The following GHR variants were observed in gnomAD, a reference collection of about 807,000 sequenced individuals.
GHR encodes the protein growth hormone receptor.
Under a neutral mutation model 67.1 loss-of-function variants are expected in GHR, and 35 were observed. The observed-to-expected ratio is 0.52, with a 90% CI of 0.40 to 0.69. The LOEUF (loss-of-function observed/expected upper bound fraction) is 0.69, where lower values mean the gene tolerates loss of function less well. Ranked by LOEUF, GHR falls within the 30% of genes least tolerant of loss-of-function variation. The pLI, the probability that GHR is intolerant of heterozygous loss-of-function variation, is 0.00. For synonymous variants in GHR, 272 were observed against 269.1 expected, an observed-to-expected ratio of 1.01 and a Z score of -0.10; for missense variants, 792 against 764.6, an observed-to-expected ratio of 1.04 and a Z score of -0.42.
intron 3 of GHR, among the ~76,000 whole-genome samples, chr5:42,673,724 G>A (rs1756431346): frequency 6.6e-6 from 1 of 152,124 alleles, no homozygotes; most frequent in Non-Finnish European, 1.5e-5. Flanking sequence ...TAAACATTGG[G>A]TAAACATGGA....
chr5:42,661,361 C>T (rs1215165023), intron 3 of GHR, among the ~76,000 whole-genome samples: 1 of 152,170 alleles, frequency 6.6e-6, no homozygotes, highest in African/African-American at 2.4e-5. Flanking sequence ...AGAGAAAGGT[C>T]GGGTTACCCA....
At chr5:42,602,892 T>C (rs1043982844) in intron 2 of GHR, among the ~76,000 whole-genome samples, 1 of 152,208 alleles carries the variant, frequency 6.6e-6, no homozygotes, top group Non-Finnish European at 1.5e-5. Context: ...TTTTAGTTTT[T>C]ATAGTAGAAT....
chr5:42,448,673 T>C (rs180763054), intron 1 of GHR, among the ~76,000 whole-genome samples: 6 of 151,792 alleles, frequency 4.0e-5, no homozygotes, highest in Admixed American at 3.9e-4. Flanking sequence ...TTTTGTTGCA[T>C]TTGCTTTGGG....
chr5:42,548,659 C>T lies in GHR; in HGVS notation c.-11-17205C>T, dbSNP rs557064784. The stretch of plus-strand genomic sequence containing the variant: ...GCTGTGGCCAGATGTTTTCCTTTCT[C>T]CTCCCACTTCGTTCTTCCCTCTTCT... On this transcript the variant is annotated intron_variant, in intron 1 of 9. Transcript: ENST00000230882. 4 of 183,170 alleles carry T rather than the reference C, an allele frequency of 2.2e-5. No homozygotes were observed. The South Asian group carries it at 5.5e-4, about 25-fold the overall frequency. 11.3% of individuals were successfully genotyped at this position (183,170 alleles called of 1,614,324 possible). A position where few individuals can be genotyped will look rare whatever the true frequency, so the allele number is the denominator to read the frequency against.
chr5:42,699,017 C>T (rs556967747), intron 5 of GHR, among the ~76,000 whole-genome samples: 1 of 152,252 alleles, frequency 6.6e-6, no homozygotes, highest in South Asian at 2.1e-4. Context: ...CTGAGGAAAA[C>T]AATGTTTCAA....
intron 1 of GHR, among the ~76,000 whole-genome samples, chr5:42,526,860 AC>A (rs759305644): frequency 6.6e-6 from 1 of 152,144 alleles, no homozygotes; most frequent in African/African-American, 2.4e-5. Flanking sequence ...TACAAAAGGA[AC>A]CCCATCGGGC....
At chr5:42,681,411 C>A (rs1019644016) in intron 3 of GHR, among the ~76,000 whole-genome samples, 16 of 152,164 alleles carry the variant, frequency 1.1e-4, no homozygotes, top group Non-Finnish European at 4.4e-5. Context: ...CAATGAGATA[C>A]CATTTCACAC....
intron 2 of GHR, among the ~76,000 whole-genome samples, chr5:42,625,259 T>C (rs1753642455): frequency 6.6e-6 from 1 of 152,172 alleles, no homozygotes; most frequent in African/African-American, 2.4e-5. Context: ...TCTTGTTTTA[T>C]ATCAGAAATA....
At position 42,430,382 on chromosome 5, in the gene GHR, A is replaced by G. The variant is rs114459926; in HGVS notation, c.-12+6427A>G. Among the ~76,000 whole-genome samples the G allele has an allele frequency of 2.9e-3, 440 of 152,226 alleles. 1 individual carries two copies. The highest frequency in any genetic ancestry group is 0.01 in the African/African-American group (425 of 41,526). ...CACACATACACACACACAAAAACATATATGTTGGATGATGAAGAGACAATG... is the reference window on the plus strand; with the variant it reads ...CACACATACACACACACAAAAACATGTATGTTGGATGATGAAGAGACAATG... On this transcript the variant is annotated intron_variant, in intron 1 of 9. Coordinates refer to ENST00000230882, the MANE Select transcript of GHR (RefSeq NM_000163.5).
chr5:42,450,330 T>C (rs1377707994), intron 1 of GHR, among the ~76,000 whole-genome samples: 2 of 152,202 alleles, frequency 1.3e-5, no homozygotes, highest in Non-Finnish European at 2.9e-5. Context: ...CCAGAGTTCC[T>C]GTTTCTTCCT....
At chr5:42,468,864 C>T in intron 1 of GHR, 1 of 889,586 alleles carries the variant, frequency 1.1e-6, no homozygotes. Context: ...ACTGCCCAGG[C>T]ATGATGGTTG....
intron 3 of GHR, among the ~76,000 whole-genome samples, chr5:42,674,343 G>GT (rs1374938496): frequency 9.9e-5 from 15 of 152,106 alleles, no homozygotes; most frequent in Non-Finnish European, 8.8e-5. Context: ...GTTTTAGATA[G>GT]TTTTTTTATT....
chr5:42,493,634 T>C (rs1314106671), intron 1 of GHR, among the ~76,000 whole-genome samples: 1 of 152,204 alleles, frequency 6.6e-6, no homozygotes, highest in Non-Finnish European at 1.5e-5. Context: ...AATTTTAGGA[T>C]CCTTTAATGC....
intron 1 of GHR, among the ~76,000 whole-genome samples, chr5:42,511,381 T>C (rs145765633): frequency 1.2e-3 from 177 of 152,362 alleles, no homozygotes; most frequent in African/African-American, 3.8e-3. Context: ...TACTCATGTA[T>C]TGGCTGAACC....
At chr5:42,543,465 C>T (rs1748604417) in intron 1 of GHR, among the ~76,000 whole-genome samples, 1 of 152,184 alleles carries the variant, frequency 6.6e-6, no homozygotes, top group African/African-American at 2.4e-5. Context: ...TGCTCACACA[C>T]ACATACACAG....
At chr5:42,548,464 T>C (rs1748842621) in intron 1 of GHR, 1 of 985,108 alleles carries the variant, frequency 1.0e-6, no homozygotes, top group East Asian at 1.1e-4. Flanking sequence ...AAGTTCTTGA[T>C]ATAAAGCCTG....
At chr5:42,556,846 C>T (rs1175068191) in intron 1 of GHR, among the ~76,000 whole-genome samples, 1 of 152,148 alleles carries the variant, frequency 6.6e-6, no homozygotes, top group Non-Finnish European at 1.5e-5. Context: ...AATAGAATAA[C>T]GGTGCATACC....
Position 42,504,496 on chromosome 5 carries a change from C to A in GHR, c.-11-61368C>A, listed in dbSNP as rs537365939. On this transcript the variant is annotated intron_variant, in intron 1 of 9. Coordinates refer to ENST00000230882, the MANE Select transcript of GHR (RefSeq NM_000163.5). ...GAAGTCTTGGCCAGGCACCGTGGCTCACGCCTGTAATCCCAGCACTTTGGG... is the reference window on the plus strand; with the variant it reads ...GAAGTCTTGGCCAGGCACCGTGGCTAACGCCTGTAATCCCAGCACTTTGGG... Among the ~76,000 whole-genome samples the A allele has an allele frequency of 8.5e-5, 13 of 152,288 alleles. No individual in the cohort carries two copies. The East Asian group carries it at 2.5e-3, about 29-fold the overall frequency.
intron 2 of GHR, among the ~76,000 whole-genome samples, chr5:42,602,487 T>C (rs918220116): frequency 2.0e-5 from 3 of 152,192 alleles, no homozygotes; most frequent in African/African-American, 4.8e-5. Flanking sequence ...ATCTTTTTTA[T>C]TGAGGAGTTT....
Sources: gnomAD v4.1 joint callset for allele counts (sites outside exome capture counted in the v4.1 genomes callset) on GRCh38, gnomAD v4.1.1 for gene constraint, MANE v1.5 for transcripts, NCBI Gene and HGNC (gene_info 2026-07-23, HGNC 2026-07-21) for gene names.